The following TBPL1 variants were observed in gnomAD, a reference collection of about 807,000 sequenced individuals.
TBPL1 encodes the protein TATA-box binding protein like 1.
In TBPL1, 4 loss-of-function variants were observed where a neutral mutation model predicts 22.1. That is an observed-to-expected ratio of 0.18 (90% CI 0.09 to 0.41). The LOEUF (loss-of-function observed/expected upper bound fraction) is 0.41. Ranked by LOEUF, TBPL1 falls within the 10% of genes least tolerant of loss-of-function variation. TBPL1 has a pLI of 1.00. For synonymous variants in TBPL1, 64 were observed against 71.0 expected (o/e 0.90, Z 0.50); for missense variants, 115 against 222.3 (o/e 0.52, Z 3.07).
Position 133,984,364 on chromosome 6 carries a change from TCTCTC to T in TBPL1, c.283-9_283-5del, listed in dbSNP as rs1776470470. The T allele has an allele frequency of 8.9e-6, 14 of 1,565,704 alleles. No homozygotes were observed. The highest frequency in any genetic ancestry group is 1.1e-5 in the Non-Finnish European group (13 of 1,149,286). ...CAAAATAAATTTATTGAATTTTACT[TCTCTC>T]CTAAAGGTAATATTTACAGATTTTA... is the stretch of plus-strand genomic sequence containing the variant. On this transcript the variant is annotated splice_polypyrimidine_tract_variant and splice_region_variant and intron_variant, in intron 4 of 6. Transcript: ENST00000237264.
At chr6:133,956,419 A>G (rs1667110286) in intron 1 of TBPL1, among the ~76,000 whole-genome samples, 6 of 152,172 alleles carry the variant, frequency 3.9e-5, no homozygotes, top group Admixed American at 3.9e-4. Context: ...CAGAGAAATG[A>G]CATGTGTGTA....
At chr6:133,965,591 T>A (rs1776104697) in intron 1 of TBPL1, among the ~76,000 whole-genome samples, 1 of 151,994 alleles carries the variant, frequency 6.6e-6, no homozygotes, top group Admixed American at 6.6e-5. Context: ...GATGGTTTTG[T>A]TATTGTTGGA....
intron 1 of TBPL1, among the ~76,000 whole-genome samples, chr6:133,975,737 TATATG>T (rs1165095239): frequency 2.6e-5 from 4 of 152,072 alleles, no homozygotes; most frequent in Admixed American, 6.5e-5. Flanking sequence ...TTAAGAGAAA[TATATG>T]AGAATGATAA....
intron 1 of TBPL1, among the ~76,000 whole-genome samples, chr6:133,968,202 T>A (rs1776154727): frequency 1.3e-5 from 2 of 152,134 alleles, no homozygotes; most frequent in South Asian, 4.1e-4. Context: ...TTAGCCAGGA[T>A]GATCTCGATC....
chr6:133,955,242 C>T (rs936621140), intron 1 of TBPL1, among the ~76,000 whole-genome samples: 2 of 148,212 alleles, frequency 1.3e-5, no homozygotes, highest in Non-Finnish European at 3.0e-5. Flanking sequence ...TCTAGTTTGC[C>T]GTTGTCTGTC....
At chr6:133,985,786 C>T (rs780206908) in intron 6 of TBPL1, 18 of 151,988 alleles carry the variant, frequency 1.2e-4, no homozygotes, top group Admixed American at 6.6e-4. Context: ...TGGGTTTTTC[C>T]ATCTTCCTTG....
At chr6:133,972,410 G>A (rs980567530) in intron 1 of TBPL1, among the ~76,000 whole-genome samples, 3 of 152,080 alleles carry the variant, frequency 2.0e-5, no homozygotes, top group African/African-American at 7.2e-5. Flanking sequence ...TAAAAATAAG[G>A]GCCTTACATT....
intron 1 of TBPL1, among the ~76,000 whole-genome samples, chr6:133,961,465 CTTT>C (rs61695774): frequency 1.8e-4 from 18 of 100,202 alleles, no homozygotes; most frequent in Non-Finnish European, 2.8e-4. Context: ...TTCTTTCTTT[CTTT>C]TTTTTTTTTT....
intron 1 of TBPL1, among the ~76,000 whole-genome samples, chr6:133,970,500 A>C (rs745850034): frequency 3.5e-4 from 53 of 152,168 alleles, no homozygotes; most frequent in Non-Finnish European, 6.9e-4. Context: ...TAAAGTCCTA[A>C]TCTTAAACAG....
intron 1 of TBPL1, among the ~76,000 whole-genome samples, chr6:133,959,380 A>G (rs1419804310): frequency 1.3e-5 from 2 of 152,138 alleles, no homozygotes; most frequent in African/African-American, 2.4e-5. Flanking sequence ...ACAGGTTGCC[A>G]TGGTATCAGT....
At chr6:133,955,333 G>A (rs576329766) in intron 1 of TBPL1, among the ~76,000 whole-genome samples, 12 of 150,708 alleles carry the variant, frequency 8.0e-5, no homozygotes, top group Non-Finnish European at 1.0e-4. Flanking sequence ...GCTCTCCTCC[G>A]CCCCAATACT....
At chr6:133,957,889 T>A (rs894440680) in intron 1 of TBPL1, among the ~76,000 whole-genome samples, 6 of 152,232 alleles carry the variant, frequency 3.9e-5, no homozygotes, top group Admixed American at 2.0e-4. Context: ...GCACTGGATA[T>A]TATTTTAAAG....
chr6:133,968,832 G>T (rs1460463869), intron 1 of TBPL1: 2 of 152,290 alleles, frequency 1.3e-5, no homozygotes, highest in Non-Finnish European at 2.9e-5. Flanking sequence ...GCCATGCCTG[G>T]CTAATTTTTG....
chr6:133,986,696 A>G (rs1195956448), intron 6 of TBPL1, among the ~76,000 whole-genome samples: 1 of 152,130 alleles, frequency 6.6e-6, no homozygotes, highest in African/African-American at 2.4e-5. Context: ...TGCTTTTTAT[A>G]TTAGTCCATG....
chr6:133,985,839 A>T (rs1461416266), intron 6 of TBPL1: 2 of 152,140 alleles, frequency 1.3e-5, no homozygotes, highest in Non-Finnish European at 2.9e-5. Context: ...CTGCATCTTA[A>T]ATATGGGATG....
At chr6:133,971,462 T>TA (rs1171711233) in intron 1 of TBPL1, among the ~76,000 whole-genome samples, 2 of 152,236 alleles carry the variant, frequency 1.3e-5, no homozygotes, top group African/African-American at 4.8e-5. Context: ...GTGGTAGTTC[T>TA]ATTTTTAATT....
chr6:133,980,110 T>G lies in TBPL1; in HGVS notation c.-16T>G, dbSNP rs933263161. ...GTGATCTTCGTGGTGGAAAGCTAAA[T>G]TTTAAAACCACCCCAATGGATGCAG... On this transcript the variant is annotated 5_prime_UTR_variant, in exon 2 of 7. Transcript: ENST00000237264. 4.0e-6 allele frequency: 6 copies of G among 1,482,212 alleles called. No individual in the cohort carries two copies. The highest frequency in any genetic ancestry group is 4.7e-5 in the Admixed American group (2 of 43,006). The allele number at this position is 1,482,212 out of a possible 1,614,324, so 91.8% of individuals were successfully genotyped here. A position where few individuals can be genotyped will look rare whatever the true frequency, so the allele number is the denominator to read the frequency against.
At chr6:133,977,309 T>G (rs947759494) in intron 1 of TBPL1, among the ~76,000 whole-genome samples, 6 of 152,228 alleles carry the variant, frequency 3.9e-5, no homozygotes, top group African/African-American at 9.6e-5. Flanking sequence ...ACTTAGTAAC[T>G]TATGAACTAT....
chr6:133,962,632 A>G (rs1269861785), intron 1 of TBPL1, among the ~76,000 whole-genome samples: 1 of 152,236 alleles, frequency 6.6e-6, no homozygotes, highest in Admixed American at 6.5e-5. Context: ...ATGGATTCAG[A>G]TATCTGATAG....
Sources: allele counts gnomAD v4.1 joint callset (sites outside exome capture counted in the v4.1 genomes callset), GRCh38; gene constraint gnomAD v4.1.1; transcripts MANE v1.5; gene names NCBI Gene and HGNC (gene_info 2026-07-23, HGNC 2026-07-21).